The following P2RX6 variants were observed in gnomAD, a reference collection of about 807,000 sequenced individuals.
P2RX6 encodes the protein P2X purinoceptor 6.
In P2RX6, 62 loss-of-function variants were observed where a neutral mutation model predicts 54.2. That is an observed-to-expected ratio of 1.14 (90% CI 0.93 to 1.41). P2RX6 has a LOEUF of 1.41. Among genes scored for constraint, P2RX6 ranks in the 40% most tolerant of loss-of-function variants. The pLI, the probability that P2RX6 is intolerant of heterozygous loss-of-function variation, is 0.00. For missense variants in P2RX6, 541 were observed against 566.3 expected (o/e 0.96, Z 0.45); for synonymous variants, 211 against 231.9 (o/e 0.91, Z 0.82).
chr22:21,025,988 G>A (rs962875941), intron 9 of P2RX6, 23 bp from the exon 10 acceptor site: 3 of 1,604,318 alleles, frequency 1.9e-6, no homozygotes, highest in Non-Finnish European at 2.6e-6. Context: ...TGGGCTGAGA[G>A]GTTCAGCTCA....
chr22:21,013,730 G>GA (rs1264840929), upstream of P2RX6: 1 of 152,214 alleles, frequency 6.6e-6, no homozygotes, highest in African/African-American at 2.4e-5. Context: ...TTTCCCCAGG[G>GA]AAAAAACCGG....
At position 21,027,870 on chromosome 22, in the gene P2RX6, C is replaced by G. The variant is rs1928702894; in HGVS notation, c.*1253C>G. 6.6e-6 allele frequency: 1 copy of G among 152,206 alleles called. No homozygotes were observed. The highest frequency in any genetic ancestry group is 2.4e-5 in the African/African-American group (1 of 41,436). 9.4% of individuals were successfully genotyped at this position (152,206 alleles called of 1,614,324 possible). A position where few individuals can be genotyped will look rare whatever the true frequency, so the allele number is the denominator to read the frequency against. On this transcript the variant is annotated 3_prime_UTR_variant, in exon 12 of 12. Transcript: ENST00000413302. ...AGCCATGTCCATGGGGAGGTGGGCTCTGAAGGGCGAAGGTGGGAGAGCAGG... is the reference window on the plus strand; with the variant it reads ...AGCCATGTCCATGGGGAGGTGGGCTGTGAAGGGCGAAGGTGGGAGAGCAGG...
chr22:21,025,258 C>T (rs1226986834), intron 8 of P2RX6, among the ~76,000 whole-genome samples: 1 of 152,134 alleles, frequency 6.6e-6, no homozygotes, highest in Non-Finnish European at 1.5e-5. Flanking sequence ...TGCCACCGAG[C>T]GTCACCTCGT....
intron 2 of P2RX6, among the ~76,000 whole-genome samples, chr22:21,016,544 G>A (rs1204173742): frequency 2.1e-5 from 3 of 144,424 alleles, no homozygotes; most frequent in South Asian, 2.2e-4. Flanking sequence ...AGCCGAGATT[G>A]CACCACTGCA....
At chr22:21,011,046 G>C (rs535459811), upstream of P2RX6, among the ~76,000 whole-genome samples, 4 of 152,146 alleles carry the variant, frequency 2.6e-5, no homozygotes, top group African/African-American at 9.7e-5. Flanking sequence ...TTCTCTAGAA[G>C]CATAAACTAT....
At chr22:21,025,296 G>A (rs556449057) in intron 8 of P2RX6, among the ~76,000 whole-genome samples, 1 of 152,110 alleles carries the variant, frequency 6.6e-6, no homozygotes, top group African/African-American at 2.4e-5. Context: ...ACGACCACCA[G>A]GCCTGGGGAT....
At position 21,026,362 on chromosome 22, in the gene P2RX6, TTCTG is replaced by T. The variant is rs1928457672; in HGVS notation, c.1128+34_1128+37del. On this transcript the variant is annotated intron_variant, in intron 11 of 11. Transcript: ENST00000413302. The surrounding 1 kb of genome is among the most constrained non-coding windows in gnomAD (Gnocchi z 4.0). ...GAGGTCGCTCTGCTTGGACCCTGGG[TTCTG>T]CCACACTTAGGAAGATGTTGGCTGG... The T allele has an allele frequency of 3.8e-6, 6 of 1,590,216 alleles. No homozygotes were observed. In the South Asian group the frequency reaches 6.9e-5, roughly 18 times the overall value.
At chr22:21,010,015 C>T (rs763869045) in intron 1 of P2RX6, 1 of 152,288 alleles carries the variant, frequency 6.6e-6, no homozygotes, top group Non-Finnish European at 1.5e-5. Flanking sequence ...TTCCACACAC[C>T]CCTGCAACTG....
In P2RX6 at chr22:21,023,020, G is replaced by C. The variant is rs755718840; in HGVS notation, c.542G>C (p.Ser181Thr). The C allele has an allele frequency of 1.2e-6, 2 of 1,613,478 alleles. No individual in the cohort carries two copies. Among genetic ancestry groups the C allele is most frequent in the Non-Finnish European group, 1.7e-6 (2 of 1,179,486 alleles). Residue 181 changes from serine to threonine, a missense_variant, in exon 5 of 12, where the codon AGT becomes ACT. Coordinates refer to ENST00000413302, the MANE Select transcript of P2RX6 (RefSeq NM_005446.5). Reference sequence around the variant, plus strand: ...ATCTGGAGTTGGTGCCCCGTGGAGAGTGGCGTTGTGCCCTCGTAAGTGTCC... The same window carrying C: ...ATCTGGAGTTGGTGCCCCGTGGAGACTGGCGTTGTGCCCTCGTAAGTGTCC... ...CEIWSWCPVESGVVPSRPLLA... is the reference protein window; with the variant it reads ...CEIWSWCPVETGVVPSRPLLA...
At chr22:21,021,715 G>GC (rs1046351074) in intron 3 of P2RX6, among the ~76,000 whole-genome samples, 4 of 152,094 alleles carry the variant, frequency 2.6e-5, no homozygotes, top group African/African-American at 9.7e-5. Context: ...CTGGGAGAGT[G>GC]CCCGATGCTC....
chr22:21,017,192 G>A (rs1926544095), intron 2 of P2RX6, among the ~76,000 whole-genome samples: 1 of 152,160 alleles, frequency 6.6e-6, no homozygotes, highest in Non-Finnish European at 1.5e-5. Flanking sequence ...ATGAGAGCCT[G>A]CAGCGCCTGC....
chr22:21,015,053 G>T, upstream of P2RX6: 3 of 576,234 alleles, frequency 5.2e-6, no homozygotes, highest in Non-Finnish European at 8.7e-6. Flanking sequence ...AGGGCTGGGT[G>T]TTGGAGGCTG....
intron 3 of P2RX6, among the ~76,000 whole-genome samples, chr22:21,021,705 C>T (rs75862617): frequency 0.019 from 2,958 of 152,204 alleles, 87 homozygotes; most frequent in African/African-American, 0.064. Flanking sequence ...AGGACCATGC[C>T]TGGGAGAGTG....
At chr22:21,018,982 T>G (rs1165232742) in intron 3 of P2RX6, among the ~76,000 whole-genome samples, 1 of 152,146 alleles carries the variant, frequency 6.6e-6, no homozygotes, top group Admixed American at 6.5e-5. Flanking sequence ...CTTGTTCTTC[T>G]TCATTTCTGA....
chr22:21,011,027 T>A (rs1379155154), upstream of P2RX6, among the ~76,000 whole-genome samples: 5 of 151,822 alleles, frequency 3.3e-5, no homozygotes, highest in African/African-American at 1.2e-4. Flanking sequence ...AAGCAGGGGG[T>A]CCCCATTCTT....
chr22:21,024,059 G>A (rs551770082), intron 8 of P2RX6, among the ~76,000 whole-genome samples: 45 of 149,086 alleles, frequency 3.0e-4, no homozygotes, highest in African/African-American at 9.4e-4. Context: ...GGGTTCAACC[G>A]ATTCTCCTTC....
chr22:21,012,995 C>T (rs3761410), upstream of P2RX6: 66,030 of 155,266 alleles, frequency 0.43, 15,230 homozygotes, highest in African/African-American at 0.62. Context: ...TGTTGTCTCC[C>T]GGGGCCTCTC....
intron 3 of P2RX6, chr22:21,018,376 T>A: frequency 3.1e-5 from 12 of 383,298 alleles, no homozygotes; most frequent in South Asian, 8.9e-5. Context: ...CCATGAGGTG[T>A]CCAGGCCCTC....
rs191063264 is a variant in P2RX6, at chr22:21,021,316, G to A, written c.388-1360G>A. Among the ~76,000 whole-genome samples the A allele has an allele frequency of 8.5e-5, 13 of 152,220 alleles. No individual in the cohort carries two copies. The East Asian group carries it at 1.5e-3, about 18-fold the overall frequency. On this transcript the variant is annotated intron_variant, in intron 3 of 11. Coordinates refer to ENST00000413302, the MANE Select transcript of P2RX6 (RefSeq NM_005446.5). Reference sequence around the variant, plus strand: ...TTAGAGGAACAGAAGAGAGCCACACGTGGGCTCAGAGGCAGGGTGCTCAGT... The same window carrying A: ...TTAGAGGAACAGAAGAGAGCCACACATGGGCTCAGAGGCAGGGTGCTCAGT...
Sources: gnomAD v4.1 joint callset for allele counts (sites outside exome capture counted in the v4.1 genomes callset) on GRCh38, gnomAD v4.1.1 for gene constraint, Gnocchi (gnomAD v3.1) non-coding constraint, MANE v1.5 for transcripts, NCBI Gene and HGNC (gene_info 2026-07-23, HGNC 2026-07-21) for gene names.